NRXN1: variants seen among roughly 807,000 people sequenced by gnomAD.
NRXN1 encodes neurexin-1.
A neutral mutation model predicts 150.9 loss-of-function variants in NRXN1; 39 were observed. The observed-to-expected ratio is 0.26, with a 90% CI of 0.20 to 0.34. The LOEUF (loss-of-function observed/expected upper bound fraction) is 0.34. NRXN1 is among the 10% of genes least tolerant of loss of function. The pLI is 1.00. For synonymous variants in NRXN1, 924 were observed against 757.0 expected (o/e 1.22, Z -3.62); for missense variants, 1,815 against 1,949.9 (o/e 0.93, Z 1.30).
chr2:50,848,953 G>T (rs1674105751), intron 5 of NRXN1, among the ~76,000 whole-genome samples: 2 of 152,252 alleles, frequency 1.3e-5, no homozygotes, highest in East Asian at 3.9e-4. Context: ...CAGGTCCCAG[G>T]CGATTCCCCA....
chr2:50,804,557 C>A (rs1667261158), intron 5 of NRXN1, among the ~76,000 whole-genome samples: 1 of 152,160 alleles, frequency 6.6e-6, no homozygotes, highest in Non-Finnish European at 1.5e-5. Flanking sequence ...ATGCTTTTGA[C>A]CCTTGCCATA....
At chr2:50,886,921 T>C (rs979477419) in intron 5 of NRXN1, among the ~76,000 whole-genome samples, 1 of 151,460 alleles carries the variant, frequency 6.6e-6, no homozygotes, top group Non-Finnish European at 1.5e-5. Context: ...TATAAGCACA[T>C]CACTGGCCTT....
chr2:50,008,083 G>A (rs1304889852), intron 21 of NRXN1, among the ~76,000 whole-genome samples: 1 of 151,908 alleles, frequency 6.6e-6, no homozygotes, highest in Non-Finnish European at 1.5e-5. Flanking sequence ...ATCAACAAGA[G>A]AGACAAGATT....
chr2:50,116,816 C>G (rs1703135211), intron 18 of NRXN1, among the ~76,000 whole-genome samples: 2 of 152,212 alleles, frequency 1.3e-5, no homozygotes, highest in South Asian at 4.1e-4. Context: ...TTCTCAAATA[C>G]TGGACTTTAA....
intron 8 of NRXN1, among the ~76,000 whole-genome samples, chr2:50,592,708 G>A (rs1359903666): frequency 6.6e-6 from 1 of 152,204 alleles, no homozygotes; most frequent in African/African-American, 2.4e-5. Flanking sequence ...ATTGCAGTGA[G>A]CTTGACTGTT....
At chr2:50,770,140 A>T (rs1260688538) in intron 5 of NRXN1, among the ~76,000 whole-genome samples, 1 of 152,120 alleles carries the variant, frequency 6.6e-6, no homozygotes, top group African/African-American at 2.4e-5. Flanking sequence ...TGTCAGGGAA[A>T]TAACATTATA....
At chr2:50,730,908 T>C (rs1257719716) in intron 5 of NRXN1, among the ~76,000 whole-genome samples, 2 of 151,926 alleles carry the variant, frequency 1.3e-5, no homozygotes, top group East Asian at 1.9e-4. Context: ...CTCCTGACCT[T>C]GTCATCCGCC....
At chr2:50,118,799 A>T (rs1558916570) in intron 18 of NRXN1, among the ~76,000 whole-genome samples, 1 of 152,180 alleles carries the variant, frequency 6.6e-6, no homozygotes, top group African/African-American at 2.4e-5. Flanking sequence ...TTGGACAGTG[A>T]CATAGTCTAG....
At chr2:50,951,011 G>A (rs1691238473) in intron 2 of NRXN1, among the ~76,000 whole-genome samples, 1 of 152,144 alleles carries the variant, frequency 6.6e-6, no homozygotes, top group African/African-American at 2.4e-5. Context: ...TTTAATCAGG[G>A]CCTCTGTTCT....
chr2:50,809,122 C>A (rs1481422371), intron 5 of NRXN1, among the ~76,000 whole-genome samples: 1 of 152,060 alleles, frequency 6.6e-6, no homozygotes, highest in African/African-American at 2.4e-5. Flanking sequence ...GGGTCCTCTT[C>A]ATGGAAAATG....
intron 12 of NRXN1, among the ~76,000 whole-genome samples, chr2:50,507,284 G>C (rs79486473): frequency 0.018 from 2,701 of 151,966 alleles, 85 homozygotes; most frequent in African/African-American, 0.062. Context: ...TGACCTGTAC[G>C]TCACAAATCT....
intron 21 of NRXN1, among the ~76,000 whole-genome samples, chr2:50,050,293 A>G (rs1692506323): frequency 6.6e-6 from 1 of 151,800 alleles, no homozygotes; most frequent in African/African-American, 2.4e-5. Context: ...CTTCCCTATT[A>G]CTATCCCTGC....
intron 2 of NRXN1, among the ~76,000 whole-genome samples, chr2:50,928,586 G>C (rs1366946980): frequency 6.6e-6 from 1 of 151,860 alleles, no homozygotes; most frequent in African/African-American, 2.4e-5. Flanking sequence ...AGTCAAAAAA[G>C]AATAGTTTAT....
chr2:50,107,637 C>T (rs1290125770), intron 18 of NRXN1, among the ~76,000 whole-genome samples: 1 of 149,954 alleles, frequency 6.7e-6, no homozygotes, highest in African/African-American at 2.4e-5. Flanking sequence ...TATATTCACA[C>T]ATTGTTACAG....
intron 5 of NRXN1, among the ~76,000 whole-genome samples, chr2:50,772,328 A>G (rs181054393): frequency 3.3e-4 from 50 of 151,874 alleles, no homozygotes; most frequent in Non-Finnish European, 6.0e-4. Context: ...TAATAAACAA[A>G]AAGTTTTCAT....
intron 8 of NRXN1, among the ~76,000 whole-genome samples, chr2:50,595,355 C>CT (rs1674998917): frequency 6.6e-6 from 1 of 151,112 alleles, no homozygotes; most frequent in African/African-American, 2.4e-5. Flanking sequence ...CTCTGTACTA[C>CT]TTTTTTGCAA....
intron 8 of NRXN1, among the ~76,000 whole-genome samples, chr2:50,591,437 T>C (rs1674224132): frequency 6.7e-6 from 1 of 150,024 alleles, no homozygotes; most frequent in African/African-American, 2.5e-5. Context: ...GATAGATAGA[T>C]AGATGTATAC....
intron 5 of NRXN1, among the ~76,000 whole-genome samples, chr2:50,799,013 A>G (rs1201009099): frequency 6.6e-6 from 1 of 152,190 alleles, no homozygotes; most frequent in Non-Finnish European, 1.5e-5. Context: ...CATTGAAAGT[A>G]ATGACAAAAA....
chr2:50,497,203 T>G, intron 14 of NRXN1, 130 bp downstream of exon 14: 1 of 560,384 alleles, frequency 1.8e-6, no homozygotes, highest in Non-Finnish European at 2.8e-6. Flanking sequence ...AATGCCTTCT[T>G]ATTTGTCCTC....
Sources: allele counts gnomAD v4.1 joint callset (sites outside exome capture counted in the v4.1 genomes callset), GRCh38; gene constraint gnomAD v4.1.1; transcripts MANE v1.5; gene names NCBI Gene and HGNC (gene_info 2026-07-23, HGNC 2026-07-21).